DCAF6: variants seen among roughly 807,000 people sequenced by gnomAD.
The protein encoded by DCAF6 is DDB1 and CUL4 associated factor 6.
A neutral mutation model predicts 125.1 loss-of-function variants in DCAF6; 54 were observed. That is an observed-to-expected ratio of 0.43 (90% confidence interval 0.35 to 0.54). The LOEUF (loss-of-function observed/expected upper bound fraction) is 0.54, where lower values mean the gene tolerates loss of function less well. DCAF6 is among the 20% of genes least tolerant of loss of function. DCAF6 has a pLI of 0.01. For synonymous variants in DCAF6, 371 were observed against 390.4 expected (o/e 0.95, Z 0.58); for missense variants, 934 against 1,161.7 (o/e 0.80, Z 2.85).
At chr1:167,921,730 A>T in the DCAF6 span, among the ~76,000 whole-genome samples, 55 of 151,684 alleles carry the variant, frequency 3.6e-4, no homozygotes, top group Admixed American at 7.9e-4. Flanking sequence ...GTTTTTTTTT[A>T]AAAAAACTAA....
At chr1:168,058,753 G>A (rs1691219368) in intron 17 of DCAF6, among the ~76,000 whole-genome samples, 1 of 152,154 alleles carries the variant, frequency 6.6e-6, no homozygotes, top group South Asian at 2.1e-4. Context: ...ATTTGTAGTA[G>A]AGATGGGGTT....
chr1:167,951,348 G>T (rs1252201052), intron 1 of DCAF6, among the ~76,000 whole-genome samples: 1 of 152,200 alleles, frequency 6.6e-6, no homozygotes, highest in Admixed American at 6.5e-5. Context: ...GCCAATGCGG[G>T]TGGATCAGTT....
intron 1 of DCAF6, among the ~76,000 whole-genome samples, chr1:167,941,772 A>G (rs1672276900): frequency 6.6e-6 from 1 of 152,230 alleles, no homozygotes; most frequent in African/African-American, 2.4e-5. Context: ...ATGGCTCCAC[A>G]GGGAAAATGT....
chr1:167,935,941 C>G (rs1671150431), upstream of DCAF6: 2 of 895,340 alleles, frequency 2.2e-6, no homozygotes, highest in Admixed American at 4.3e-5. Flanking sequence ...GCCACGACGA[C>G]TCGCGTCCGC....
the DCAF6 span, among the ~76,000 whole-genome samples, chr1:167,930,377 C>T: frequency 6.6e-6 from 1 of 152,296 alleles, no homozygotes; most frequent in East Asian, 1.9e-4. Flanking sequence ...CTGTTGAAAT[C>T]ATCTACTGTA....
Position 168,002,502 on chromosome 1 carries a change from G to A in DCAF6, c.924G>A (p.Lys308=). ...RREELRQPPV[K]RLRLRGDWSD... is the part of the protein sequence containing the mutation. ...TTTAGTTGCGACAACCACCAGTTAA[G>A]CGTTTGAGACTTCGTGGTGATTGGT... The change falls in exon 8 of 22, where the codon AAG becomes AAA. Residue 308 remains lysine (K), a synonymous_variant. Coordinates refer to ENST00000367840, the MANE Select transcript of DCAF6 (RefSeq NM_001198956.2). 1 of 1,612,962 alleles carries A rather than the reference G, an allele frequency of 6.2e-7. No homozygotes were observed. The highest frequency in any genetic ancestry group is 1.3e-5 in the African/African-American group (1 of 74,988).
At chr1:167,904,724 T>C in the DCAF6 span, 21 of 609,848 alleles carry the variant, frequency 3.4e-5, no homozygotes, top group Middle Eastern at 8.6e-4. Context: ...GATGAGTCAG[T>C]GAAGTTGGGG....
At chr1:167,865,938 T>C in the DCAF6 span, among the ~76,000 whole-genome samples, 558 of 152,320 alleles carry the variant, frequency 3.7e-3, 3 homozygotes, top group African/African-American at 0.013. Flanking sequence ...CTCTCTGCTA[T>C]CCCTGTGGGT....
intron 20 of DCAF6, among the ~76,000 whole-genome samples, chr1:168,067,505 CAG>C (rs1692486424): frequency 1.3e-5 from 2 of 152,198 alleles, no homozygotes; most frequent in South Asian, 4.2e-4. Context: ...ACCAGGCAGA[CAG>C]GGAGCAAAGC....
rs1383046893 is a variant in DCAF6 at position 168,045,176 on chromosome 1, A to T, written c.2207A>T (p.Asp736Val). 1 of 1,613,944 alleles carries T rather than the reference A, an allele frequency of 6.2e-7. No homozygotes were observed. The highest frequency in any genetic ancestry group is 1.7e-5 in the Admixed American group (1 of 59,942). ...CTTCAGGACACAGATGACAGTGATG[A>T]TGACCCAGTCCTGATCCCAGGTGCA... ...SALQDTDDSD[D>V]DPVLIPGARY... Residue 736 changes from aspartate (D) to valine (V), a missense_variant, in exon 16 of 22, where the codon GAT (aspartate) becomes GTT (valine). Asp to Val is a radical substitution (Grantham distance 152). Coordinates refer to ENST00000367840, the MANE Select transcript of DCAF6 (RefSeq NM_001198956.2).
intron 21 of DCAF6, among the ~76,000 whole-genome samples, chr1:168,074,512 C>G (rs1278698505): frequency 6.6e-6 from 1 of 152,026 alleles, no homozygotes; most frequent in African/African-American, 2.4e-5. Flanking sequence ...ACATCCTATA[C>G]TAGGCTCTGA....
intron 12 of DCAF6, among the ~76,000 whole-genome samples, chr1:168,028,691 A>G (rs1429715764): frequency 6.6e-6 from 1 of 152,192 alleles, no homozygotes; most frequent in East Asian, 1.9e-4. Flanking sequence ...AATTCTACTA[A>G]GGTAGATTGG....
intron 12 of DCAF6, among the ~76,000 whole-genome samples, chr1:168,031,907 T>C (rs1469337730): frequency 6.6e-6 from 1 of 152,096 alleles, no homozygotes; most frequent in East Asian, 1.9e-4. Flanking sequence ...GGTTCTGAAG[T>C]AGGAGAAAAG....
chr1:168,018,729 G>T (rs1685294045), intron 11 of DCAF6, among the ~76,000 whole-genome samples: 1 of 152,096 alleles, frequency 6.6e-6, no homozygotes, highest in South Asian at 2.1e-4. Flanking sequence ...ACCATAACTT[G>T]TTTTCTAGAC....
chr1:167,865,541 A>G, the DCAF6 span, among the ~76,000 whole-genome samples: 8 of 152,238 alleles, frequency 5.3e-5, no homozygotes, highest in African/African-American at 1.9e-4. Flanking sequence ...CACTAATATA[A>G]AGGTAAAATT....
At chr1:168,023,654 A>G (rs1377434062) in intron 12 of DCAF6, 1 of 153,316 alleles carries the variant, frequency 6.5e-6, no homozygotes, top group Non-Finnish European at 1.5e-5. Flanking sequence ...TGAACGCGTT[A>G]CTTATTTATC....
chr1:167,943,048 A>G (rs1298895195), intron 1 of DCAF6, among the ~76,000 whole-genome samples: 1 of 152,070 alleles, frequency 6.6e-6, no homozygotes, highest in Non-Finnish European at 1.5e-5. Context: ...CTGGGACTAC[A>G]GGCACCCGCC....
intron 7 of DCAF6, among the ~76,000 whole-genome samples, chr1:168,001,456 A>G (rs990148055): frequency 3.3e-5 from 5 of 152,172 alleles, no homozygotes; most frequent in African/African-American, 1.2e-4. Flanking sequence ...GCAATTGATC[A>G]TTCACTGGTG....
the DCAF6 span, among the ~76,000 whole-genome samples, chr1:167,902,394 T>C: frequency 4.7e-3 from 710 of 152,340 alleles, no homozygotes; most frequent in Non-Finnish European, 8.4e-3. Flanking sequence ...CAATATATGT[T>C]ATAGGCTGGG....
Sources: gnomAD v4.1 joint callset for allele counts (sites outside exome capture counted in the v4.1 genomes callset) on GRCh38, gnomAD v4.1.1 for gene constraint, MANE v1.5 for transcripts, NCBI Gene and HGNC (gene_info 2026-07-23, HGNC 2026-07-21) for gene names.